ASXL2: variants seen among roughly 807,000 people sequenced by gnomAD.
ASXL2 encodes the protein ASXL transcriptional regulator 2, also known as putative Polycomb group protein ASXL2.
Under a neutral mutation model 122.0 loss-of-function variants are expected in ASXL2, and 23 were observed. The ratio of observed to expected loss-of-function variants is 0.19; its 90% CI spans 0.14 to 0.27. The LOEUF (loss-of-function observed/expected upper bound fraction) is 0.27. Among genes scored for constraint, ASXL2 ranks in the 10% least tolerant of loss-of-function variants. ASXL2 has a pLI of 1.00. For synonymous variants in ASXL2, 650 were observed against 637.0 expected, an observed-to-expected ratio of 1.02 and a Z score of -0.31; for missense variants, 1,518 against 1,713.8, an observed-to-expected ratio of 0.89 and a Z score of 2.02.
rs2087897927 is a variant in ASXL2, at chr2:25,744,061, G to C, written c.2276C>G (p.Thr759Ser). Residue 759 changes from threonine to serine, a missense_variant, in exon 13 of 13, where the codon ACC becomes AGC. Thr to Ser is a moderately conservative substitution (Grantham distance 58). This residue lies in a region of ASXL2 where 831 missense variants were observed against 833.1 expected (regional missense o/e 1.00). Coordinates refer to ENST00000435504, the MANE Select transcript of ASXL2 (RefSeq NM_018263.6). This position sits in a 1 kb window ranked among gnomAD's most constrained non-coding sequence, Gnocchi z 4.7. ...ACTATGAGGCTGTGCCTGGCTTGGGGTGGTCTTGGTCTCAGACTGGGGCTG... is the reference window on the plus strand; with the variant it reads ...ACTATGAGGCTGTGCCTGGCTTGGGCTGGTCTTGGTCTCAGACTGGGGCTG... ...ETQPQSETKT[T>S]PSQAQPHSVS... is the part of the protein sequence containing the mutation. The C allele has an allele frequency of 2.5e-6, 4 of 1,613,998 alleles. No individual in the cohort carries two copies.
At chr2:25,850,761 A>G (rs1353359164) in intron 1 of ASXL2, among the ~76,000 whole-genome samples, 2 of 152,144 alleles carry the variant, frequency 1.3e-5, no homozygotes, top group Non-Finnish European at 1.5e-5. Context: ...CTGATAGTCT[A>G]TCGTTCCTTT....
At chr2:25,748,658 ATGAG>A (rs1177692648) in intron 12 of ASXL2, among the ~76,000 whole-genome samples, 2 of 152,204 alleles carry the variant, frequency 1.3e-5, no homozygotes, top group Non-Finnish European at 2.9e-5. Context: ...TTATATCCTA[ATGAG>A]TAATATTCAG....
intron 1 of ASXL2, among the ~76,000 whole-genome samples, chr2:25,873,264 T>G (rs1455709325): frequency 6.6e-6 from 1 of 152,124 alleles, no homozygotes; most frequent in Non-Finnish European, 1.5e-5. Context: ...CTATAATTTG[T>G]ATTATAAAAA....
intron 1 of ASXL2, among the ~76,000 whole-genome samples, chr2:25,867,867 A>C (rs567560867): frequency 1.3e-5 from 2 of 152,294 alleles, no homozygotes; most frequent in Non-Finnish European, 2.9e-5. Context: ...TAAATACTTT[A>C]TCCATCGTCC....
intron 3 of ASXL2, among the ~76,000 whole-genome samples, chr2:25,807,602 A>G (rs1014398056): frequency 6.6e-6 from 1 of 152,158 alleles, no homozygotes; most frequent in Non-Finnish European, 1.5e-5. Context: ...ATTGCCAAGA[A>G]ATTTCCAGAA....
intron 5 of ASXL2, among the ~76,000 whole-genome samples, chr2:25,783,640 C>A (rs1242665958): frequency 2.0e-5 from 3 of 151,924 alleles, no homozygotes; most frequent in Non-Finnish European, 2.9e-5. Flanking sequence ...TTATAAACTG[C>A]CTTCCAGACT....
At chr2:25,844,398 T>C (rs897346533) in intron 2 of ASXL2, among the ~76,000 whole-genome samples, 3 of 151,864 alleles carry the variant, frequency 2.0e-5, no homozygotes, top group Non-Finnish European at 2.9e-5. Flanking sequence ...CTGGGCAAAA[T>C]GGTGAAACCC....
chr2:25,821,490 G>A (rs1197792178), intron 3 of ASXL2, among the ~76,000 whole-genome samples: 2 of 152,090 alleles, frequency 1.3e-5, no homozygotes, highest in African/African-American at 2.4e-5. Context: ...GGGGCTGGGC[G>A]TGGTGGCTCA....
rs35480086 is a variant in ASXL2 at position 25,734,067 on chromosome 2, T to TAAAA, written c.*7958_*7961dup. 2 of 150,224 alleles carry TAAAA rather than the reference T, an allele frequency of 1.3e-5. No homozygotes were observed. Among genetic ancestry groups the TAAAA allele is most frequent in the African/African-American group, 4.9e-5 (2 of 40,862 alleles). The allele number at this position is 150,224 out of a possible 1,614,324, so 9.3% of individuals were successfully genotyped here. A position where few individuals can be genotyped will look rare whatever the true frequency, so the allele number is the denominator to read the frequency against. ...AGAATTAAGACAGGTTTTTTTTTTT[T>TAAAA]AAAAAAAATAGGTCAAAGCACTTAC... On this transcript the variant is annotated 3_prime_UTR_variant, in exon 13 of 13. Transcript: ENST00000435504.
intron 5 of ASXL2, among the ~76,000 whole-genome samples, chr2:25,783,461 C>A (rs1364730931): frequency 6.7e-6 from 1 of 150,288 alleles, no homozygotes; most frequent in Non-Finnish European, 1.5e-5. Context: ...ATTTAAAAAC[C>A]AACCTTTTCT....
At chr2:25,843,111 T>C (rs1381892060) in intron 2 of ASXL2, among the ~76,000 whole-genome samples, 2 of 151,574 alleles carry the variant, frequency 1.3e-5, no homozygotes, top group South Asian at 2.1e-4. Context: ...CCATCTTGGC[T>C]AACACGGTGA....
chr2:25,841,341 T>C (rs552914529), intron 2 of ASXL2, among the ~76,000 whole-genome samples: 2 of 152,242 alleles, frequency 1.3e-5, no homozygotes, highest in South Asian at 4.1e-4. Context: ...GAGAGAATAA[T>C]CTATAATTAT....
chr2:25,837,618 A>G (rs897202168), intron 2 of ASXL2, among the ~76,000 whole-genome samples: 13 of 151,816 alleles, frequency 8.6e-5, no homozygotes, highest in Non-Finnish European at 1.9e-4. Flanking sequence ...TTGGGAGGCC[A>G]AGGTGGGAGG....
intron 3 of ASXL2, among the ~76,000 whole-genome samples, chr2:25,808,636 T>A (rs932581889): frequency 6.6e-6 from 1 of 152,228 alleles, no homozygotes; most frequent in Non-Finnish European, 1.5e-5. Flanking sequence ...CTGGCCAAAA[T>A]TTTTAAAGTA....
chr2:25,797,682 G>A (rs1391050498), intron 5 of ASXL2, among the ~76,000 whole-genome samples: 1 of 152,032 alleles, frequency 6.6e-6, no homozygotes, highest in African/African-American at 2.4e-5. Flanking sequence ...TTAAAACAAC[G>A]AGATACTACT....
At chr2:25,758,656 T>C (rs1350529533) in intron 9 of ASXL2, among the ~76,000 whole-genome samples, 1 of 151,452 alleles carries the variant, frequency 6.6e-6, no homozygotes, top group East Asian at 1.9e-4. Context: ...TGCCAAACCT[T>C]TGGCATTTCT....
At chr2:25,765,327 T>C (rs1469108055) in intron 8 of ASXL2, among the ~76,000 whole-genome samples, 19 of 151,232 alleles carry the variant, frequency 1.3e-4, no homozygotes, top group South Asian at 2.1e-4. Context: ...CTACTGAAAA[T>C]ACAAAAAAAT....
At chr2:25,771,129 G>A (rs926352103) in intron 6 of ASXL2, among the ~76,000 whole-genome samples, 10 of 152,258 alleles carry the variant, frequency 6.6e-5, no homozygotes, top group African/African-American at 2.4e-4. Context: ...CCAGCTACTT[G>A]GGAGGCTGAG....
intron 1 of ASXL2, among the ~76,000 whole-genome samples, chr2:25,868,681 T>C (rs548578549): frequency 4.6e-5 from 7 of 152,338 alleles, no homozygotes; most frequent in African/African-American, 1.4e-4. Flanking sequence ...CCAGTTTTCA[T>C]GGCAAACAAT....
Sources: gnomAD v4.1 joint callset for allele counts (sites outside exome capture counted in the v4.1 genomes callset) on GRCh38, gnomAD v4.1.1 for gene constraint, gnomAD v4.1.1 regional missense constraint, Gnocchi (gnomAD v3.1) non-coding constraint, MANE v1.5 for transcripts, NCBI Gene and HGNC (gene_info 2026-07-23, HGNC 2026-07-21) for gene names.